MACO1: variants seen among roughly 807,000 people sequenced by gnomAD.
MACO1 encodes macoilin 1.
A neutral mutation model predicts 78.7 loss-of-function variants in MACO1; 14 were observed. The ratio of observed to expected loss-of-function variants is 0.18; its 90% CI spans 0.12 to 0.28. MACO1 has a LOEUF of 0.28. Ranked by LOEUF, MACO1 falls within the 10% of genes least tolerant of loss-of-function variation. The pLI, the probability that MACO1 is intolerant of heterozygous loss-of-function variation, is 1.00. For missense variants in MACO1, 501 were observed against 799.0 expected (o/e 0.63, Z 4.50); for synonymous variants, 288 against 291.6 (o/e 0.99, Z 0.12).
chr1:25,454,415 T>TGC, intron 4 of MACO1, 33 bp downstream of exon 4: 1 of 1,437,640 alleles, frequency 7.0e-7, no homozygotes, highest in African/African-American at 1.4e-5. Flanking sequence ...TGTGTGTGTG[T>TGC]GTATATGTGT....
chr1:25,452,262 A>AT lies in MACO1; in HGVS notation c.350-1991dup, dbSNP rs542247426. Among the ~76,000 whole-genome samples the AT allele has an allele frequency of 5.5e-4, 83 of 152,134 alleles. No individual in the cohort carries two copies. The South Asian group carries it at 0.012, about 22-fold the overall frequency. Reference sequence around the variant, plus strand: ...TTAGCAAAAAGCCTTCAGGTCACTGATTTTTTCCCCCTCGTGCCCATGTAG... The same window carrying AT: ...TTAGCAAAAAGCCTTCAGGTCACTGATTTTTTTCCCCCTCGTGCCCATGTAG... On this transcript the variant is annotated intron_variant, in intron 3 of 10. Transcript: ENST00000374343.
intron 3 of MACO1, among the ~76,000 whole-genome samples, chr1:25,453,521 G>T (rs192474712): frequency 2.0e-5 from 3 of 151,102 alleles, no homozygotes; most frequent in African/African-American, 7.3e-5. Flanking sequence ...AAATTAGCCG[G>T]TCGTGGTGGT....
chr1:25,444,128 G>A (rs1284074651), intron 1 of MACO1, among the ~76,000 whole-genome samples: 2 of 151,888 alleles, frequency 1.3e-5, no homozygotes, highest in Non-Finnish European at 2.9e-5. Context: ...GTGTGGTGGT[G>A]TGCACCTGTA....
chr1:25,456,632 G>A, intron 4 of MACO1, 21 bp from the exon 5 acceptor site: 1 of 1,605,614 alleles, frequency 6.2e-7, no homozygotes, highest in Non-Finnish European at 8.5e-7. Context: ...ACAATTACTG[G>A]CTGGATTGTC....
chr1:25,433,731 T>C (rs1489334723), intron 1 of MACO1, among the ~76,000 whole-genome samples: 1 of 152,230 alleles, frequency 6.6e-6, no homozygotes, highest in African/African-American at 2.4e-5. Context: ...AGACAGGGCA[T>C]CCACAGCTTT....
intron 1 of MACO1, among the ~76,000 whole-genome samples, chr1:25,440,281 C>T (rs1172405690): frequency 6.7e-6 from 1 of 149,880 alleles, no homozygotes; most frequent in Non-Finnish European, 1.5e-5. Flanking sequence ...TGCCCGTAGT[C>T]CTAATTACTC....
intron 9 of MACO1, 28 bp from the exon 10 acceptor site, chr1:25,491,382 A>G (rs2043484473): frequency 6.2e-6 from 10 of 1,612,818 alleles, no homozygotes; most frequent in Non-Finnish European, 8.5e-6. Context: ...ACTACCTTGT[A>G]GCATTGCTGT....
intron 6 of MACO1, among the ~76,000 whole-genome samples, chr1:25,473,898 C>T (rs1416361993): frequency 6.6e-6 from 1 of 152,210 alleles, no homozygotes; most frequent in African/African-American, 2.4e-5. Context: ...TCACAAGGTA[C>T]ATTTCACTTT....
In MACO1 at chr1:25,458,381, G is replaced by T; in HGVS notation, c.653-10G>T. The T allele has an allele frequency of 6.4e-7, 1 of 1,554,354 alleles. No homozygotes were observed. Among genetic ancestry groups the T allele is most frequent in the South Asian group, 1.2e-5 (1 of 81,554 alleles). On this transcript the variant is annotated splice_polypyrimidine_tract_variant and intron_variant, in intron 5 of 10. Coordinates refer to ENST00000374343, the MANE Select transcript of MACO1 (RefSeq NM_018202.6). ...GCTTTTTGTTTGTTGGTTTGTTTTTGGTATTGTAGCAGCCAAAGGATTACC... is the reference window on the plus strand; with the variant it reads ...GCTTTTTGTTTGTTGGTTTGTTTTTTGTATTGTAGCAGCCAAAGGATTACC...
intron 1 of MACO1, among the ~76,000 whole-genome samples, chr1:25,433,593 G>A (rs2042894684): frequency 1.3e-5 from 2 of 152,022 alleles, no homozygotes; most frequent in African/African-American, 4.8e-5. Flanking sequence ...CTATTTTCAT[G>A]TTCTCAGTCT....
In MACO1 at chr1:25,498,298, C is replaced by T; in HGVS notation, c.1827C>T (p.Asp609=). The part of the protein sequence containing the change: ...QILQKDQEIK[D]LKQKIAEVMA... Reference sequence around the variant, plus strand: ...TTCAGAAAGATCAGGAAATCAAGGACCTAAAACAGAAGATAGCCGAAGTCA... The same window carrying T: ...TTCAGAAAGATCAGGAAATCAAGGATCTAAAACAGAAGATAGCCGAAGTCA... The change falls in exon 11 of 11, where the codon GAC becomes GAT. Residue 609 remains aspartate, a synonymous_variant. Coordinates refer to ENST00000374343, the MANE Select transcript of MACO1 (RefSeq NM_018202.6). The T allele has an allele frequency of 6.2e-7, 1 of 1,614,182 alleles. No homozygotes were observed. Among genetic ancestry groups the T allele is most frequent in the Non-Finnish European group, 8.5e-7 (1 of 1,180,038 alleles).
At chr1:25,497,603 G>A (rs995866875) in intron 10 of MACO1, among the ~76,000 whole-genome samples, 2 of 152,174 alleles carry the variant, frequency 1.3e-5, no homozygotes, top group Admixed American at 6.5e-5. Context: ...GGCTAAATAG[G>A]GTGATGTTGC....
At chr1:25,477,204 G>A (rs1208309455) in intron 6 of MACO1, among the ~76,000 whole-genome samples, 1 of 152,172 alleles carries the variant, frequency 6.6e-6, no homozygotes, top group South Asian at 2.1e-4. Context: ...ATTGGGCACC[G>A]TGTGCTGGAG....
intron 6 of MACO1, among the ~76,000 whole-genome samples, chr1:25,467,731 ATTTT>A (rs34155576): frequency 3.0e-5 from 4 of 134,174 alleles, no homozygotes; most frequent in African/African-American, 8.2e-5. Context: ...TAGAATGATG[ATTTT>A]TTTTTTTTTT....
chr1:25,484,184 G>C lies in MACO1; in HGVS notation c.1223G>C (p.Arg408Pro). The part of the protein sequence containing the change: ...QASRQVEQEL[R>P]SQISSLSSTE... ...AGCAGACAAGTGGAACAAGAGCTCC[G>C]CAGTCAGATCAGCTCCCTTTCGAGC... is the stretch of plus-strand genomic sequence containing the variant. The change falls in exon 7 of 11, where the codon CGC becomes CCC. Residue 408 changes from arginine (R) to proline (P), a missense_variant. This residue lies in a region of MACO1 where 163 missense variants were observed against 271.9 expected (regional missense o/e 0.60). Coordinates refer to ENST00000374343, the MANE Select transcript of MACO1 (RefSeq NM_018202.6). The C allele has an allele frequency of 6.2e-7, 1 of 1,614,036 alleles. No homozygotes were observed. Among genetic ancestry groups the C allele is most frequent in the Non-Finnish European group, 8.5e-7 (1 of 1,180,008 alleles).
In MACO1 at chr1:25,491,519, C is replaced by T; in HGVS notation, c.1727C>T (p.Thr576Met). 1 of 1,614,204 alleles carries T rather than the reference C, an allele frequency of 6.2e-7. No homozygotes were observed. Among genetic ancestry groups the T allele is most frequent in the Non-Finnish European group, 8.5e-7 (1 of 1,180,038 alleles). Reference sequence around the variant, plus strand: ...CTGGAGAACAGCTTAAGTGCAGAGACGAGAATCAAGCTGGACCTGTTCTCC... The same window carrying T: ...CTGGAGAACAGCTTAAGTGCAGAGATGAGAATCAAGCTGGACCTGTTCTCC... ...QHLENSLSAE[T>M]RIKLDLFSAL... Residue 576 changes from threonine to methionine, a missense_variant, in exon 10 of 11, where the codon ACG (threonine) becomes ATG (methionine). Coordinates refer to ENST00000374343, the MANE Select transcript of MACO1 (RefSeq NM_018202.6).
At chr1:25,456,937 T>A (rs2043127065) in intron 5 of MACO1, 106 bp downstream of exon 5, 5 of 1,175,496 alleles carry the variant, frequency 4.3e-6, no homozygotes, top group Middle Eastern at 2.1e-4. Flanking sequence ...TTTTTTTCTG[T>A]CTAATGGTGT....
At chr1:25,484,399 T>C in intron 7 of MACO1, 125 bp downstream of exon 7, 1 of 925,664 alleles carries the variant, frequency 1.1e-6, no homozygotes, top group Non-Finnish European at 1.5e-6. Flanking sequence ...AATAAAATGT[T>C]TAAAATACTT....
chr1:25,468,288 C>G (rs1306515224), intron 6 of MACO1, among the ~76,000 whole-genome samples: 1 of 152,176 alleles, frequency 6.6e-6, no homozygotes, highest in Non-Finnish European at 1.5e-5. Flanking sequence ...CTGGTCCAGA[C>G]AGCCTAGAGC....
Sources: allele counts gnomAD v4.1 joint callset (sites outside exome capture counted in the v4.1 genomes callset), GRCh38; gene constraint gnomAD v4.1.1; regional missense constraint gnomAD v4.1.1; transcripts MANE v1.5; gene names NCBI Gene and HGNC (gene_info 2026-07-23, HGNC 2026-07-21).